EWSR1: variants seen among roughly 807,000 people sequenced by gnomAD.
EWSR1 encodes the protein RNA-binding protein EWS.
EWSR1 carries 14 observed loss-of-function variants against 92.1 expected under a neutral mutation model. The ratio of observed to expected loss-of-function variants is 0.15; its 90% CI spans 0.10 to 0.24. EWSR1 has a LOEUF of 0.24. EWSR1 is among the 10% of genes least tolerant of loss of function. EWSR1 has a pLI of 1.00. For synonymous variants in EWSR1, 303 were observed against 292.9 expected (o/e 1.03, Z -0.35); for missense variants, 637 against 870.9 (o/e 0.73, Z 3.38).
intron 5 of EWSR1, among the ~76,000 whole-genome samples, chr22:29,280,200 TG>T (rs1347536625): frequency 6.6e-6 from 1 of 152,124 alleles, no homozygotes; most frequent in African/African-American, 2.4e-5. Context: ...CCCGAGTAGC[TG>T]GGACTACGGG....
At chr22:29,280,276 C>T (rs2059458530) in intron 5 of EWSR1, among the ~76,000 whole-genome samples, 1 of 152,192 alleles carries the variant, frequency 6.6e-6, no homozygotes, top group African/African-American at 2.4e-5. Context: ...CTATGTTGGC[C>T]AGGCTGGTCT....
chr22:29,273,616 GTT>G (rs2058863748), intron 3 of EWSR1, 123 bp from the exon 4 acceptor site: 1 of 1,086,004 alleles, frequency 9.2e-7, no homozygotes. Flanking sequence ...TGTTGTTTTT[GTT>G]TTGTTTTTTT....
intron 12 of EWSR1, among the ~76,000 whole-genome samples, chr22:29,297,530 A>G (rs1407759904): frequency 6.6e-6 from 1 of 152,208 alleles, no homozygotes. Flanking sequence ...TGCCTCTACA[A>G]ACAATTTTGT....
intron 4 of EWSR1, chr22:29,274,125 T>TTAC (rs2058915378): frequency 2.1e-6 from 2 of 958,528 alleles, no homozygotes; most frequent in Non-Finnish European, 3.3e-6. Flanking sequence ...AAATGGAGAC[T>TTAC]ATGTAAAAGA....
chr22:29,300,367 T>C lies in EWSR1; in HGVS notation c.*206T>C. The C allele has an allele frequency of 1.9e-6, 1 of 522,520 alleles. No homozygotes were observed. The highest frequency in any genetic ancestry group is 3.5e-5 in the Admixed American group (1 of 28,254). 32.4% of individuals were successfully genotyped at this position (522,520 alleles called of 1,614,324 possible). ...CGGAGTTTTTTTTTCTTCCTTCTTT[T>C]AAAAATGGTTGTTTAAGACTTTAAC... is the stretch of plus-strand genomic sequence containing the variant. On this transcript the variant is annotated 3_prime_UTR_variant, in exon 17 of 17. Transcript: ENST00000397938.
intron 4 of EWSR1, 49 bp downstream of exon 4, chr22:29,273,913 G>A: frequency 6.2e-7 from 1 of 1,607,576 alleles, no homozygotes; most frequent in Non-Finnish European, 8.5e-7. Flanking sequence ...CTAGGGCATT[G>A]GCTAAGAAGC....
chr22:29,288,843 G>A (rs2147423909), intron 8 of EWSR1, 57 bp downstream of exon 8: 1 of 1,430,244 alleles, frequency 7.0e-7, no homozygotes, highest in East Asian at 2.6e-5. Context: ...AGGATTTTCA[G>A]TGGAAAGAAG....
rs200637771 is a variant in EWSR1, at chr22:29,282,405, C to G, written c.429C>G (p.Asn143Lys). 1 of 1,589,586 alleles carries G rather than the reference C, an allele frequency of 6.3e-7. No individual in the cohort carries two copies. The highest frequency in any genetic ancestry group is 2.3e-5 in the East Asian group (1 of 43,832). ...CTCCTCTTAGACCGCAGGATGGAAA[C>G]AAGCCCACTGAGACTAGTCAACCTC... The part of the protein sequence containing the change: ...ATAPTRPQDG[N>K]KPTETSQPQS... The change falls in exon 6 of 17, where the codon AAC (asparagine) becomes AAG (lysine). Residue 143 changes from asparagine (N) to lysine (K), a missense_variant. Physicochemically the swap from Asn to Lys is moderately conservative, Grantham distance 94. This residue lies in a region of EWSR1 where 144 missense variants were observed against 189.0 expected (regional missense o/e 0.76). Transcript: ENST00000397938.
intron 11 of EWSR1, among the ~76,000 whole-genome samples, chr22:29,295,171 C>G (rs75756832): frequency 6.6e-6 from 1 of 151,950 alleles, no homozygotes; most frequent in Non-Finnish European, 1.5e-5. Flanking sequence ...GTTCAAGCCT[C>G]AAGCCTCTTG....
Position 29,297,862 on chromosome 22 carries a change from C to G in EWSR1, c.1330C>G (p.Leu444Val). 1.2e-6 allele frequency: 2 copies of G among 1,614,010 alleles called. No homozygotes were observed. Among genetic ancestry groups the G allele is most frequent in the Non-Finnish European group, 8.5e-7 (1 of 1,179,976 alleles). Residue 444 changes from leucine to valine, a missense_variant, in exon 13 of 17, where the codon CTT (leucine) becomes GTT (valine). Coordinates refer to ENST00000397938, the MANE Select transcript of EWSR1 (RefSeq NM_005243.4). ...DFQGSKLKVS[L>V]ARKKPPMNSM... ...TCAAGGGAGCAAACTTAAAGTCTCC[C>G]TTGCTCGGAAGAAGCCTCCAATGAA... is the stretch of plus-strand genomic sequence containing the variant.
intron 11 of EWSR1, among the ~76,000 whole-genome samples, chr22:29,293,750 A>T (rs1299511977): frequency 6.6e-6 from 1 of 151,996 alleles, no homozygotes; most frequent in Non-Finnish European, 1.5e-5. Flanking sequence ...TTTTTAGTAG[A>T]GATGGGGTTT....
intron 4 of EWSR1, chr22:29,277,075 C>T (rs1177091906): frequency 8.7e-6 from 2 of 229,538 alleles, no homozygotes; most frequent in Non-Finnish European, 1.7e-5. Flanking sequence ...GCCGAAGTCC[C>T]GAAGGGAAAG....
chr22:29,293,794 T>C (rs769704556), intron 11 of EWSR1, among the ~76,000 whole-genome samples: 2 of 152,160 alleles, frequency 1.3e-5, no homozygotes, highest in Non-Finnish European at 2.9e-5. Context: ...GGTCTTGAAC[T>C]CCTGACCTCA....
intron 7 of EWSR1, 82 bp from the exon 8 acceptor site, chr22:29,288,524 G>A: frequency 7.2e-7 from 1 of 1,384,430 alleles, no homozygotes; most frequent in Non-Finnish European, 9.8e-7. Context: ...TGGAATTGAG[G>A]ATTTTGTGAT....
intron 6 of EWSR1, among the ~76,000 whole-genome samples, chr22:29,286,468 C>T (rs913120714): frequency 2.6e-5 from 4 of 151,918 alleles, no homozygotes; most frequent in Non-Finnish European, 5.9e-5. Context: ...GTGGGCGGAT[C>T]ATGAGGTCAG....
chr22:29,292,931 G>A (rs959409065), intron 11 of EWSR1, among the ~76,000 whole-genome samples: 1 of 151,716 alleles, frequency 6.6e-6, no homozygotes, highest in Non-Finnish European at 1.5e-5. Flanking sequence ...TGTCTTTTTA[G>A]TAAAGATGGG....
chr22:29,282,911 C>T (rs934736173), intron 6 of EWSR1, among the ~76,000 whole-genome samples: 3 of 151,804 alleles, frequency 2.0e-5, no homozygotes, highest in African/African-American at 4.8e-5. Context: ...TACGGGTGCC[C>T]GCCACCACGC....
At position 29,280,439 on chromosome 22, in the gene EWSR1, A is replaced by C. The variant is rs2059470934; in HGVS notation, c.414-1951A>C. On this transcript the variant is annotated intron_variant, in intron 5 of 16. Transcript: ENST00000397938. Reference sequence around the variant, plus strand: ...CTCAGTCTGCTGCAGCCTTGATGTAAAGTGTTAGGGCCAAGAGGTAATAGA... The same window carrying C: ...CTCAGTCTGCTGCAGCCTTGATGTACAGTGTTAGGGCCAAGAGGTAATAGA... 2.0e-5 allele frequency among the ~76,000 whole-genome samples: 3 copies of C among 152,186 alleles called. No homozygotes were observed. The South Asian group carries it at 6.2e-4, about 32-fold the overall frequency.
chr22:29,282,437 G>GC lies in EWSR1; in HGVS notation c.462dup (p.Thr155HisfsTer15). On this transcript the variant is annotated frameshift_variant, in exon 6 of 17. Coordinates refer to ENST00000397938, the MANE Select transcript of EWSR1 (RefSeq NM_005243.4). LOFTEE classifies it high-confidence loss of function. ...ACTGAGACTAGTCAACCTCAATCTA[G>GC]CACAGGGGGTTACAACCAGCCCAGC... The GC allele has an allele frequency of 6.3e-7, 1 of 1,596,754 alleles. No homozygotes were observed. Among genetic ancestry groups the GC allele is most frequent in the Non-Finnish European group, 8.5e-7 (1 of 1,173,760 alleles).
Sources: gnomAD v4.1 joint callset for allele counts (sites outside exome capture counted in the v4.1 genomes callset) on GRCh38, gnomAD v4.1.1 for gene constraint, gnomAD v4.1.1 regional missense constraint, MANE v1.5 for transcripts, NCBI Gene and HGNC (gene_info 2026-07-23, HGNC 2026-07-21) for gene names.